TARBP2: variants seen among roughly 807,000 people sequenced by gnomAD.
TARBP2 encodes the protein TARBP2 subunit of RISC loading complex.
TARBP2 carries 23 observed loss-of-function variants against 40.4 expected under a neutral mutation model. The observed-to-expected ratio is 0.57, with a 90% CI of 0.41 to 0.81. TARBP2 has a LOEUF of 0.81. Ranked by LOEUF, TARBP2 falls within the 30% of genes least tolerant of loss-of-function variation. The pLI, the probability that TARBP2 is intolerant of heterozygous loss-of-function variation, is 0.00. For missense variants in TARBP2, 358 were observed against 473.7 expected, an observed-to-expected ratio of 0.76 and a Z score of 2.27; for synonymous variants, 183 against 190.5, an observed-to-expected ratio of 0.96 and a Z score of 0.32.
rs544243086 is a variant in TARBP2, at chr12:53,501,345, C to T, written c.-64C>T. ...GGGCTTGGCCCCGGCCCTAGCTCGT[C>T]GGCTGTGTATTGGGGCGCGTGGAGG... On this transcript the variant is annotated 5_prime_UTR_variant, in exon 1 of 9. Transcript: ENST00000266987. 159 of 1,539,594 alleles carry T rather than the reference C, an allele frequency of 1.0e-4. No individual in the cohort carries two copies. The South Asian group carries it at 1.8e-3, about 17-fold the overall frequency.
At chr12:53,501,657 C>T in intron 1 of TARBP2, 196 bp downstream of exon 1, 5 of 1,445,250 alleles carry the variant, frequency 3.5e-6, no homozygotes, top group Non-Finnish European at 4.5e-6. Context: ...TGGCCCGGTT[C>T]CCAGACTGCA....
rs1430930487 is a variant in TARBP2, at chr12:53,501,697, T to C, written c.53+236T>C. On this transcript the variant is annotated intron_variant, in intron 1 of 8. Coordinates refer to ENST00000266987, the MANE Select transcript of TARBP2 (RefSeq NM_134323.2). ...AACACTGGGCTTTATGCCCCCACAT[T>C]CAGTGCATTTGGTGGGTACTGGGTT... 2.1e-6 allele frequency: 3 copies of C among 1,434,366 alleles called. No individual in the cohort carries two copies. In the South Asian group the frequency reaches 4.5e-5, roughly 21 times the overall value. The allele number at this position is 1,434,366 out of a possible 1,614,324, so 88.9% of individuals were successfully genotyped here. A position where few individuals can be genotyped will look rare whatever the true frequency, so the allele number is the denominator to read the frequency against.
chr12:53,502,901 C>T (rs1400556679), intron 2 of TARBP2, 126 bp from the exon 3 acceptor site: 2 of 877,620 alleles, frequency 2.3e-6, no homozygotes, highest in African/African-American at 1.7e-5. Context: ...CAGTCTTCAG[C>T]AGGGGGAGGT....
In TARBP2 at chr12:53,505,570, C is replaced by A; in HGVS notation, c.742-79C>A. The A allele has an allele frequency of 7.1e-7, 1 of 1,411,990 alleles. No individual in the cohort carries two copies. The highest frequency in any genetic ancestry group is 9.9e-7 in the Non-Finnish European group (1 of 1,007,112). 87.5% of individuals were successfully genotyped at this position (1,411,990 alleles called of 1,614,324 possible). A position where few individuals can be genotyped will look rare whatever the true frequency, so the allele number is the denominator to read the frequency against. ...GAGGAAGCATTCTTTGTGCTTTGTT[C>A]TCCTTTGACGTTGAATGTCTCAATG... On this transcript the variant is annotated intron_variant, in intron 7 of 8. Coordinates refer to ENST00000266987, the MANE Select transcript of TARBP2 (RefSeq NM_134323.2). The surrounding 1 kb of genome is among the most constrained non-coding windows in gnomAD (Gnocchi z 4.5).
At chr12:53,503,512 A>G (rs1943815586) in intron 3 of TARBP2, 1 of 590,424 alleles carries the variant, frequency 1.7e-6, no homozygotes, top group Non-Finnish European at 3.0e-6. Context: ...CTCTTCTCTG[A>G]GACTCTCTTT....
In TARBP2 at chr12:53,503,072, T is replaced by A; in HGVS notation, c.269T>A (p.Val90Glu). 1 of 1,550,878 alleles carries A rather than the reference T, an allele frequency of 6.4e-7. No individual in the cohort carries two copies. Among genetic ancestry groups the A allele is most frequent in the Non-Finnish European group, 8.7e-7 (1 of 1,146,600 alleles). Residue 90 changes from valine to glutamate, a missense_variant, in exon 3 of 9, where the codon GTG (valine) becomes GAG (glutamate). Coordinates refer to ENST00000266987, the MANE Select transcript of TARBP2 (RefSeq NM_134323.2). ...GCAGCCAAGCACAAGGCAGCTGAGG[T>A]GGCCCTCAAACACCTCAAAGGGGGG... ...KKAAKHKAAE[V>E]ALKHLKGGSM...
Position 53,501,329 on chromosome 12 carries a change from C to A in TARBP2, c.-80C>A. On this transcript the variant is annotated 5_prime_UTR_variant, in exon 1 of 9. Transcript: ENST00000266987. ...TACCGGCCGCGACTCCGGGCTTGGC[C>A]CCGGCCCTAGCTCGTCGGCTGTGTA... 1.3e-6 allele frequency: 2 copies of A among 1,515,372 alleles called. No homozygotes were observed. Among genetic ancestry groups the A allele is most frequent in the Non-Finnish European group, 1.8e-6 (2 of 1,119,214 alleles). 93.9% of individuals were successfully genotyped at this position (1,515,372 alleles called of 1,614,324 possible).
intron 6 of TARBP2, 150 bp from the exon 7 acceptor site, chr12:53,504,985 C>A: frequency 6.9e-7 from 1 of 1,456,380 alleles, no homozygotes; most frequent in Non-Finnish European, 9.3e-7. Context: ...CCCCTTCTCT[C>A]TGGCTGACCA....
intron 1 of TARBP2, 42 bp from the exon 2 acceptor site, chr12:53,501,973 A>G (rs1943734119): frequency 4.3e-6 from 7 of 1,610,466 alleles, no homozygotes; most frequent in Non-Finnish European, 5.1e-6. Flanking sequence ...AGGTGGGTGC[A>G]GAGAGGGGAG....
At position 53,504,388 on chromosome 12, in the gene TARBP2, T is replaced by A; in HGVS notation, c.423-9T>A. 6.4e-7 allele frequency: 1 copy of A among 1,551,954 alleles called. No individual in the cohort carries two copies. Among genetic ancestry groups the A allele is most frequent in the Non-Finnish European group, 8.6e-7 (1 of 1,156,328 alleles). On this transcript the variant is annotated splice_polypyrimidine_tract_variant and intron_variant, in intron 4 of 8. Coordinates refer to ENST00000266987, the MANE Select transcript of TARBP2 (RefSeq NM_134323.2). Reference sequence around the variant, plus strand: ...CACCTCAACTTTGGCCCTGTGCCTTTTCCTTCAGGAGCCCCCCCATGGAAC... The same window carrying A: ...CACCTCAACTTTGGCCCTGTGCCTTATCCTTCAGGAGCCCCCCCATGGAAC...
Position 53,505,900 on chromosome 12 carries a change from G to C in TARBP2, c.943+50G>C, listed in dbSNP as rs779433039. Reference sequence around the variant, plus strand: ...AGGGGATGGTGGGGGCTGGACCGGAGCAAGTAGAAGGGGGTGATGATAACG... The same window carrying C: ...AGGGGATGGTGGGGGCTGGACCGGACCAAGTAGAAGGGGGTGATGATAACG... On this transcript the variant is annotated intron_variant, in intron 8 of 8. Transcript: ENST00000266987. The surrounding 1 kb of genome is among the most constrained non-coding windows in gnomAD (Gnocchi z 4.5). The C allele has an allele frequency of 1.6e-5, 25 of 1,606,982 alleles. No homozygotes were observed. In the South Asian group the frequency reaches 2.0e-4, roughly 13 times the overall value.
At chr12:53,503,566 G>A in intron 3 of TARBP2, 147 bp from the exon 4 acceptor site, 1 of 640,984 alleles carries the variant, frequency 1.6e-6, no homozygotes, top group South Asian at 1.9e-5. Flanking sequence ...GATCCGAGGA[G>A]GAAGCTGTTG....
chr12:53,505,290 G>A lies in TARBP2; in HGVS notation c.741+28G>A, dbSNP rs371557738. 16 of 1,563,332 alleles carry A rather than the reference G, an allele frequency of 1.0e-5. No individual in the cohort carries two copies. Among genetic ancestry groups the A allele is most frequent in the East Asian group, 9.1e-5 (4 of 43,910 alleles). ...GAGTGGCTCATGTGGGCCGGGCACC[G>A]TGGCCCATCCTCCATGCCAGGGCAG... On this transcript the variant is annotated intron_variant, in intron 7 of 8. Coordinates refer to ENST00000266987, the MANE Select transcript of TARBP2 (RefSeq NM_134323.2). This position sits in a 1 kb window ranked among gnomAD's most constrained non-coding sequence, Gnocchi z 4.5.
rs146234229 is a variant in TARBP2 at position 53,503,093 on chromosome 12, G to C, written c.290G>C (p.Gly97Ala). 2,126 of 1,550,924 alleles carry C rather than the reference G, an allele frequency of 1.4e-3. 4 individuals are homozygous for C. The highest frequency in any genetic ancestry group is 1.4e-3 in the Non-Finnish European group (1,574 of 1,146,626). The change falls in exon 3 of 9, where the codon GGG becomes GCG. Residue 97 changes from glycine to alanine, a missense_variant. Physicochemically the swap from Gly to Ala is moderately conservative, Grantham distance 60. Around this residue, in one of 3 missense-constraint regions of TARBP2, gnomAD observed 317 missense variants for 422.9 expected, o/e 0.75. Coordinates refer to ENST00000266987, the MANE Select transcript of TARBP2 (RefSeq NM_134323.2). ...AAEVALKHLK[G>A]GSMLEPALED... ...GAGGTGGCCCTCAAACACCTCAAAG[G>C]GGGGAGCATGCTGGAGCCGGCCCTG... is the stretch of plus-strand genomic sequence containing the variant.
upstream of TARBP2, chr12:53,501,121 A>G (rs1022829268): frequency 1.9e-6 from 1 of 519,802 alleles, no homozygotes; most frequent in Non-Finnish European, 3.5e-6. Context: ...ATTACAAACA[A>G]AAAAATACGG....
At chr12:53,502,357 TAGGACGTGGGAGAGTTAGAGGAGCGAGC>T in intron 2 of TARBP2, 173 bp downstream of exon 2, 1 of 864,392 alleles carries the variant, frequency 1.2e-6, no homozygotes, top group East Asian at 2.7e-5. Flanking sequence ...AGAAGGTGGG[TAGGACGTGGGAGAGTTAGAGGAGCGAGC>T]AGGACTCCCA....
rs1291021604 is a variant in TARBP2 at position 53,506,311 on chromosome 12, A to G, written c.*163A>G. On this transcript the variant is annotated 3_prime_UTR_variant, in exon 9 of 9. Transcript: ENST00000266987. ...GAAGGCACAGGGCAAGGAGCCAAGG[A>G]CCACAGAGCCTCAGCCAGCCCAGGA... The G allele has an allele frequency of 1.0e-5, 9 of 872,754 alleles. No individual in the cohort carries two copies. The highest frequency in any genetic ancestry group is 1.5e-5 in the Non-Finnish European group (9 of 587,362). 54.1% of individuals were successfully genotyped at this position (872,754 alleles called of 1,614,324 possible). A position where few individuals can be genotyped will look rare whatever the true frequency, so the allele number is the denominator to read the frequency against.
chr12:53,502,539 C>T (rs1592734129), intron 2 of TARBP2: 1 of 297,686 alleles, frequency 3.4e-6, no homozygotes, highest in East Asian at 8.3e-5. Flanking sequence ...AATTTTAAAC[C>T]TCAGTCTAAC....
Position 53,505,913 on chromosome 12 carries a change from G to A in TARBP2, c.943+63G>A. The A allele has an allele frequency of 6.2e-7, 1 of 1,605,510 alleles. No homozygotes were observed. Among genetic ancestry groups the A allele is most frequent in the Non-Finnish European group, 8.5e-7 (1 of 1,173,290 alleles). On this transcript the variant is annotated intron_variant, in intron 8 of 8. Coordinates refer to ENST00000266987, the MANE Select transcript of TARBP2 (RefSeq NM_134323.2). The surrounding 1 kb of genome is among the most constrained non-coding windows in gnomAD (Gnocchi z 4.5). ...GGCTGGACCGGAGCAAGTAGAAGGG[G>A]GTGATGATAACGTGAACGCACCCCT... is the stretch of plus-strand genomic sequence containing the variant.
Sources: allele counts gnomAD v4.1 joint callset, GRCh38; gene constraint gnomAD v4.1.1; regional missense constraint gnomAD v4.1.1; non-coding constraint Gnocchi (gnomAD v3.1); transcripts MANE v1.5; gene names NCBI Gene and HGNC (gene_info 2026-07-23, HGNC 2026-07-21).